ITIH6: variants seen among roughly 807,000 people sequenced by gnomAD.
ITIH6 encodes the protein inter-alpha-trypsin inhibitor heavy chain family member 6, also known as inter-alpha-trypsin inhibitor heavy chain H6.
A neutral mutation model predicts 58.2 loss-of-function variants in ITIH6; 60 were observed. The observed-to-expected ratio is 1.03, with a 90% CI of 0.84 to 1.28. The LOEUF (loss-of-function observed/expected upper bound fraction) is 1.28, where lower values mean the gene tolerates loss of function less well. ITIH6 is among the 50% of genes most tolerant of loss of function. The pLI, the probability that ITIH6 is intolerant of heterozygous loss-of-function variation, is 0.00. For missense variants in ITIH6, 1,290 were observed against 1,021.1 expected, an observed-to-expected ratio of 1.26 and a Z score of -3.59; for synonymous variants, 493 against 417.4, an observed-to-expected ratio of 1.18 and a Z score of -2.21.
Position 54,757,413 on chromosome X carries a change from A to C in ITIH6, c.2661T>G (p.Pro887=). 2 of 1,209,869 alleles carry C rather than the reference A, an allele frequency of 1.7e-6. No homozygotes were observed. Among genetic ancestry groups the C allele is most frequent in the Non-Finnish European group, 2.2e-6 (2 of 894,692 alleles). Residue 887 remains proline (P), a synonymous_variant, in exon 8 of 13, where the codon CCT becomes CCG. Transcript: ENST00000218436. ...GGGGCCTTGGTCTGTCAGGTCTAGG[A>C]GGTAGTGGGGTTTGAGGCATATGGG... The part of the protein sequence containing the change: ...PNPHMPQTPL[P]PRPDRPRPPL...
intron 5 of ITIH6, among the ~76,000 whole-genome samples, chrX:54,779,860 G>T (rs752256589): frequency 9.0e-6 from 1 of 111,325 alleles, no homozygotes; most frequent in African/African-American, 3.3e-5. Context: ...GATATTCCAT[G>T]CCAGTGGAAA....
chrX:54,749,853 T>A lies in ITIH6; in HGVS notation c.*42A>T. On this transcript the variant is annotated 3_prime_UTR_variant, in exon 13 of 13. Coordinates refer to ENST00000218436, the MANE Select transcript of ITIH6 (RefSeq NM_198510.3). Reference sequence around the variant, plus strand: ...CTCACCCCATGCCCTGGTTTCTGGATCTCCCAAATTCAGGTCTCCTGGCTC... The same window carrying A: ...CTCACCCCATGCCCTGGTTTCTGGAACTCCCAAATTCAGGTCTCCTGGCTC... The A allele has an allele frequency of 8.9e-7, 1 of 1,122,116 alleles. No homozygotes were observed. The highest frequency in any genetic ancestry group is 2.4e-5 in the Admixed American group (1 of 41,569). The allele number at this position is 1,122,116 out of a possible 1,213,427, so 92.5% of individuals were successfully genotyped here.
In ITIH6 at chrX:54,757,034, C is replaced by A; in HGVS notation, c.3040G>T (p.Val1014Leu). 1 of 1,210,645 alleles carries A rather than the reference C, an allele frequency of 8.3e-7. No homozygotes were observed. The highest frequency in any genetic ancestry group is 1.7e-5 in the African/African-American group (1 of 57,800). ...EELELLSESM[V>L]ESKFVESLNP... ...AAGGACTCCACGAACTTGGATTCCA[C>A]CATTGATTCAGACAGCAGCTCTAGC... The change falls in exon 8 of 13, where the codon GTG becomes TTG. Residue 1014 changes from valine to leucine, a missense_variant. Val to Leu is a conservative substitution (Grantham distance 32, BLOSUM62 1). Coordinates refer to ENST00000218436, the MANE Select transcript of ITIH6 (RefSeq NM_198510.3).
intron 6 of ITIH6, among the ~76,000 whole-genome samples, chrX:54,772,536 ATTGT>A (rs1280436028): frequency 1.8e-5 from 2 of 112,411 alleles, no homozygotes; most frequent in African/African-American, 6.5e-5. Context: ...CAAAAATAAA[ATTGT>A]TTGATAATTT....
chrX:54,788,960 G>T (rs560547553), intron 4 of ITIH6, among the ~76,000 whole-genome samples: 1 of 112,442 alleles, frequency 8.9e-6, no homozygotes, highest in East Asian at 2.8e-4. Context: ...GCAACCTGGG[G>T]CCAAGTCTTT....
intron 6 of ITIH6, among the ~76,000 whole-genome samples, chrX:54,773,625 G>A (rs762615850): frequency 1.5e-4 from 16 of 109,657 alleles, no homozygotes; most frequent in Non-Finnish European, 2.7e-4. Context: ...GATTAAAATC[G>A]ATATGACTCC....
chrX:54,761,836 T>A (rs1928652494), intron 6 of ITIH6, among the ~76,000 whole-genome samples: 1 of 112,180 alleles, frequency 8.9e-6, no homozygotes, highest in Non-Finnish European at 1.9e-5. Flanking sequence ...TTTTGGTTAC[T>A]GTAGCCTTGT....
intron 6 of ITIH6, among the ~76,000 whole-genome samples, chrX:54,765,628 G>C (rs1249152428): frequency 1.1e-5 from 1 of 92,024 alleles, no homozygotes; most frequent in Non-Finnish European, 2.1e-5. Flanking sequence ...ACGGAGTCTC[G>C]CTCTGTTGCC....
intron 4 of ITIH6, among the ~76,000 whole-genome samples, chrX:54,790,266 G>A: frequency 9.2e-6 from 1 of 109,237 alleles, no homozygotes; most frequent in Non-Finnish European, 1.9e-5. Flanking sequence ...TACTGAACCA[G>A]ACCCTGAAGG....
chrX:54,753,467 T>C (rs1194931510), intron 11 of ITIH6, among the ~76,000 whole-genome samples, 184 bp downstream of exon 11: 1 of 112,007 alleles, frequency 8.9e-6, no homozygotes, highest in East Asian at 2.8e-4. Flanking sequence ...TATCTGTGAG[T>C]ATCTTGGTGT....
chrX:54,774,876 A>T (rs1446957917), intron 5 of ITIH6, among the ~76,000 whole-genome samples: 1 of 111,521 alleles, frequency 9.0e-6, no homozygotes, highest in Non-Finnish European at 1.9e-5. Context: ...GGGGGCTGGG[A>T]GGGCCCCTCA....
chrX:54,770,479 C>T (rs150447858), intron 6 of ITIH6, among the ~76,000 whole-genome samples: 87 of 112,644 alleles, frequency 7.7e-4, no homozygotes, highest in African/African-American at 2.6e-3. Flanking sequence ...TTACATGATC[C>T]CGTTTTATCT....
chrX:54,783,716 G>A (rs371133075), intron 5 of ITIH6, among the ~76,000 whole-genome samples: 11 of 112,094 alleles, frequency 9.8e-5, no homozygotes, highest in African/African-American at 3.6e-4. Flanking sequence ...GATATTCCAT[G>A]TTCATGGATT....
At position 54,758,430 on chromosome X, in the gene ITIH6, G is replaced by A. The variant is rs139865711; in HGVS notation, c.1644C>T (p.Cys548=). The change falls in exon 8 of 13, where the codon TGC becomes TGT. Residue 548 remains cysteine, a synonymous_variant. Coordinates refer to ENST00000218436, the MANE Select transcript of ITIH6 (RefSeq NM_198510.3). ...ATNNSQKAFG[C]PGEPAPNVAH... ...CCACATTGGGGGCTGGCTCCCCTGGGCAACCAAAGGCCTTCTGGCTGTTGT... is the reference window on the plus strand; with the variant it reads ...CCACATTGGGGGCTGGCTCCCCTGGACAACCAAAGGCCTTCTGGCTGTTGT... 1,061 of 1,208,269 alleles carry A rather than the reference G, an allele frequency of 8.8e-4. 2 individuals carry two copies. Among genetic ancestry groups the A allele is most frequent in the Non-Finnish European group, 1.1e-3 (986 of 894,105 alleles).
rs1928460706 is a variant in ITIH6, at chrX:54,755,143, A to G, written c.3110-34T>C. Reference sequence around the variant, plus strand: ...CACAAAAGAAATAAGAAAACCCTTCAAATTCCAGGGGCAAAGTCTCAAAAT... The same window carrying G: ...CACAAAAGAAATAAGAAAACCCTTCGAATTCCAGGGGCAAAGTCTCAAAAT... On this transcript the variant is annotated intron_variant, in intron 8 of 12. Transcript: ENST00000218436. The G allele has an allele frequency of 2.7e-6, 3 of 1,125,442 alleles. No homozygotes were observed. In the Admixed American group the frequency reaches 6.7e-5, roughly 25 times the overall value. 92.7% of individuals were successfully genotyped at this position (1,125,442 alleles called of 1,213,427 possible).
At chrX:54,765,790 T>C (rs1404219965) in intron 6 of ITIH6, among the ~76,000 whole-genome samples, 2 of 109,521 alleles carry the variant, frequency 1.8e-5, no homozygotes, top group Non-Finnish European at 3.8e-5. Context: ...TTTTGGTTAC[T>C]GTAGCCTTGT....
At chrX:54,751,516 G>T (rs1402310709) in intron 11 of ITIH6, 136 bp from the exon 12 acceptor site, 1 of 720,754 alleles carries the variant, frequency 1.4e-6, no homozygotes, top group Non-Finnish European at 2.0e-6. Flanking sequence ...CTTCTACCAT[G>T]GTCCACCTGG....
chrX:54,753,866 C>A, intron 10 of ITIH6, 64 bp downstream of exon 10: 2 of 1,138,038 alleles, frequency 1.8e-6, no homozygotes, highest in Non-Finnish European at 2.4e-6. Flanking sequence ...TTTCCCCAGC[C>A]CCAGTCCCAG....
rs1325731695 is a variant in ITIH6 at position 54,769,603 on chromosome X, G to T, written c.903+4478C>A. Among the ~76,000 whole-genome samples the T allele has an allele frequency of 3.1e-3, 326 of 103,649 alleles. 9 individuals carry two copies. Among genetic ancestry groups the T allele is most frequent in the African/African-American group, 0.012 (321 of 27,450 alleles). 90.0% of individuals were successfully genotyped at this position (103,649 alleles called of 115,157 possible). A position where few individuals can be genotyped will look rare whatever the true frequency, so the allele number is the denominator to read the frequency against. On this transcript the variant is annotated intron_variant, in intron 6 of 12. Coordinates refer to ENST00000218436, the MANE Select transcript of ITIH6 (RefSeq NM_198510.3). ...TGTTAGTTTTCCTTCTAACAGACAG[G>T]ACCCTCAGCTGCAGGTCTGTTGGAA... is the stretch of plus-strand genomic sequence containing the variant.
Sources: gnomAD v4.1 joint callset for allele counts (sites outside exome capture counted in the v4.1 genomes callset) on GRCh38, gnomAD v4.1.1 for gene constraint, MANE v1.5 for transcripts, NCBI Gene and HGNC (gene_info 2026-07-23, HGNC 2026-07-21) for gene names.